The following COL26A1 variants were observed in gnomAD, a reference collection of about 807,000 sequenced individuals.
The protein encoded by COL26A1 is collagen alpha-1(XXVI) chain.
A neutral mutation model predicts 59.3 loss-of-function variants in COL26A1; 41 were observed. The ratio of observed to expected loss-of-function variants is 0.69; its 90% CI spans 0.54 to 0.90. The LOEUF is 0.90. COL26A1 is among the 40% of genes least tolerant of loss of function. The probability of loss-of-function intolerance (pLI) is 0.00; values close to 1 mark genes in which losing one functional copy is unlikely to be tolerated. For missense variants in COL26A1, 612 were observed against 602.3 expected (o/e 1.02, Z -0.17); for synonymous variants, 266 against 256.0 (o/e 1.04, Z -0.37).
intron 2 of COL26A1, among the ~76,000 whole-genome samples, chr7:101,444,281 A>G (rs1255423246): frequency 6.6e-6 from 1 of 152,054 alleles, no homozygotes; most frequent in African/African-American, 2.4e-5. Flanking sequence ...GTGTTCAATA[A>G]ACCCACTTTG....
intron 3 of COL26A1, among the ~76,000 whole-genome samples, chr7:101,465,708 A>AG (rs1028478890): frequency 2.0e-4 from 30 of 150,174 alleles, no homozygotes; most frequent in Non-Finnish European, 2.8e-4. Flanking sequence ...AAAAAAAAAA[A>AG]AAAAGAAAAG....
chr7:101,551,237 G>GTTGGGGGGGGGGGC, intron 10 of COL26A1, 94 bp downstream of exon 10: 2 of 386,366 alleles, frequency 5.2e-6, no homozygotes, highest in Non-Finnish European at 1.0e-5. Flanking sequence ...TGGTGGGGGG[G>GTTGGGGGGGGGGGC]TTCAGCCCTG....
chr7:101,549,245 G>A, intron 9 of COL26A1, 22 bp downstream of exon 9: 1 of 1,589,338 alleles, frequency 6.3e-7, no homozygotes, highest in Non-Finnish European at 8.6e-7. Context: ...GCCATTTTAG[G>A]TAGGGTGTGG....
chr7:101,510,476 C>A (rs1794898987), intron 3 of COL26A1, among the ~76,000 whole-genome samples: 1 of 152,216 alleles, frequency 6.6e-6, no homozygotes, highest in Admixed American at 6.5e-5. Flanking sequence ...TTGCTCACTA[C>A]CTGCCAGCCT....
chr7:101,551,618 G>A lies in COL26A1; in HGVS notation c.1029+475G>A, dbSNP rs574769963. Reference sequence around the variant, plus strand: ...AAAAATTAGCTGAGTGTGGTGGTACGCATCTGCAGTCCCAGCCACTCTGAA... The same window carrying A: ...AAAAATTAGCTGAGTGTGGTGGTACACATCTGCAGTCCCAGCCACTCTGAA... On this transcript the variant is annotated intron_variant, in intron 10 of 12. Transcript: ENST00000313669. 3.9e-5 allele frequency among the ~76,000 whole-genome samples: 6 copies of A among 152,210 alleles called. No homozygotes were observed. In the East Asian group the frequency reaches 1.2e-3, roughly 29 times the overall value.
chr7:101,402,629 C>G (rs542417438), intron 1 of COL26A1, among the ~76,000 whole-genome samples: 3 of 90,740 alleles, frequency 3.3e-5, no homozygotes, highest in African/African-American at 4.0e-5. Context: ...CTCTTTCTTT[C>G]TCCCCTCCCC....
intron 3 of COL26A1, among the ~76,000 whole-genome samples, chr7:101,462,303 G>A (rs1373658999): frequency 6.7e-6 from 1 of 148,386 alleles, no homozygotes; most frequent in East Asian, 2.0e-4. Flanking sequence ...CAGCCTCAGG[G>A]AGCATTTTAA....
At chr7:101,406,151 T>C (rs1245024470) in intron 1 of COL26A1, among the ~76,000 whole-genome samples, 1 of 152,218 alleles carries the variant, frequency 6.6e-6, no homozygotes, top group Non-Finnish European at 1.5e-5. Flanking sequence ...ATTTGGTCAG[T>C]CGCCATGGAG....
chr7:101,440,553 C>A (rs1049186110), intron 2 of COL26A1, among the ~76,000 whole-genome samples: 2 of 152,318 alleles, frequency 1.3e-5, no homozygotes, highest in African/African-American at 4.8e-5. Flanking sequence ...CAAGCTGAGT[C>A]TTGGCCGGTT....
Position 101,471,567 on chromosome 7 carries a change from G to GTTGTT in COL26A1, c.385+23782_385+23783insGTTTT, listed in dbSNP as rs1485332913. Among the ~76,000 whole-genome samples, 490 of 112,354 alleles carry GTTGTT rather than the reference G, an allele frequency of 4.4e-3. 10 individuals carry two copies. Among genetic ancestry groups the GTTGTT allele is most frequent in the African/African-American group, 0.017 (474 of 28,382 alleles). The allele number at this position is 112,354 out of a possible 152,430, so 73.7% of individuals were successfully genotyped here. ...ATAATGTTTTGTTGTTGTTGTTGTTGTTTGTTTTTTTTTTTTTTTTTTTTT... is the reference window on the plus strand; with the variant it reads ...ATAATGTTTTGTTGTTGTTGTTGTTGTTGTTTTTGTTTTTTTTTTTTTTTTTTTTT... On this transcript the variant is annotated intron_variant, in intron 3 of 12. Transcript: ENST00000313669.
intron 3 of COL26A1, among the ~76,000 whole-genome samples, chr7:101,471,130 C>T (rs931953068): frequency 6.6e-5 from 10 of 152,188 alleles, no homozygotes; most frequent in Admixed American, 1.3e-4. Context: ...GACACTCACT[C>T]GGGCCTTAAG....
intron 1 of COL26A1, among the ~76,000 whole-genome samples, chr7:101,380,964 GGTT>G (rs1791433527): frequency 6.6e-6 from 1 of 152,180 alleles, no homozygotes; most frequent in Non-Finnish European, 1.5e-5. Context: ...CTAGGTTCTA[GGTT>G]GTTCTCTGTC....
chr7:101,489,751 TGTC>T (rs757909147), intron 3 of COL26A1, among the ~76,000 whole-genome samples: 4 of 57,162 alleles, frequency 7.0e-5, no homozygotes, highest in Non-Finnish European at 1.3e-4. Context: ...CTTTCTTTCT[TGTC>T]TCTCTTTCTT....
rs1025271246 is a variant in COL26A1 at position 101,533,173 on chromosome 7, G to A, written c.447+30G>A. 1.9e-6 allele frequency: 3 copies of A among 1,550,766 alleles called. No homozygotes were observed. The African/African-American group carries it at 4.1e-5, about 21-fold the overall frequency. ...GTCGGGCTGGGGAGTCTGGGCCTGGGGAGCTGCCTGGGGACCTTGGGTGGT... is the reference window on the plus strand; with the variant it reads ...GTCGGGCTGGGGAGTCTGGGCCTGGAGAGCTGCCTGGGGACCTTGGGTGGT... On this transcript the variant is annotated intron_variant, in intron 4 of 12. Coordinates refer to ENST00000313669, the MANE Select transcript of COL26A1 (RefSeq NM_001278563.3).
intron 1 of COL26A1, among the ~76,000 whole-genome samples, chr7:101,381,554 A>G (rs758822430): frequency 6.6e-6 from 1 of 152,194 alleles, no homozygotes; most frequent in Non-Finnish European, 1.5e-5. Flanking sequence ...AGGGGCTGGT[A>G]TCTGGCAAAG....
chr7:101,402,301 C>CCT (rs1433776320), intron 1 of COL26A1, among the ~76,000 whole-genome samples: 1 of 152,098 alleles, frequency 6.6e-6, no homozygotes, highest in African/African-American at 2.4e-5. Flanking sequence ...GGGATTTTCC[C>CCT]CCCCAAGTGA....
At chr7:101,437,048 C>T (rs774478602) in intron 2 of COL26A1, among the ~76,000 whole-genome samples, 43 of 152,324 alleles carry the variant, frequency 2.8e-4, no homozygotes, top group Non-Finnish European at 5.7e-4. Flanking sequence ...TTGAATGCTT[C>T]GTTCTTTCCA....
chr7:101,469,231 G>A (rs1793836290), intron 3 of COL26A1, among the ~76,000 whole-genome samples: 1 of 152,150 alleles, frequency 6.6e-6, no homozygotes, highest in Non-Finnish European at 1.5e-5. Flanking sequence ...GAAAAGGGGT[G>A]AAAGCTATGC....
rs149343079 is a variant in COL26A1 at position 101,547,137 on chromosome 7, C to G, written c.857-19C>G. On this transcript the variant is annotated intron_variant, in intron 7 of 12. Coordinates refer to ENST00000313669, the MANE Select transcript of COL26A1 (RefSeq NM_001278563.3). ...AGGTCTGCCCCACCAGACCCCTGGCCGCTCCGCTCTTCCCACAGATGGAGA... is the reference window on the plus strand; with the variant it reads ...AGGTCTGCCCCACCAGACCCCTGGCGGCTCCGCTCTTCCCACAGATGGAGA... 31 of 1,561,556 alleles carry G rather than the reference C, an allele frequency of 2.0e-5. No individual in the cohort carries two copies. Among genetic ancestry groups the G allele is most frequent in the Non-Finnish European group, 2.7e-5 (31 of 1,152,886 alleles).
Sources: gnomAD v4.1 joint callset for allele counts (sites outside exome capture counted in the v4.1 genomes callset) on GRCh38, gnomAD v4.1.1 for gene constraint, MANE v1.5 for transcripts, NCBI Gene and HGNC (gene_info 2026-07-23, HGNC 2026-07-21) for gene names.